PELI2: variants seen among roughly 807,000 people sequenced by gnomAD.
PELI2 encodes E3 ubiquitin-protein ligase pellino homolog 2.
PELI2 carries 23 observed loss-of-function variants against 42.3 expected under a neutral mutation model. The ratio of observed to expected loss-of-function variants is 0.54; its 90% CI spans 0.39 to 0.77. The LOEUF is 0.77. PELI2 is among the 30% of genes least tolerant of loss of function. The pLI is 0.00. For missense variants in PELI2, 463 were observed against 553.2 expected (o/e 0.84, Z 1.64); for synonymous variants, 245 against 212.2 (o/e 1.15, Z -1.34).
At chr14:56,203,294 C>T (rs528382585) in intron 2 of PELI2, among the ~76,000 whole-genome samples, 33 of 152,128 alleles carry the variant, frequency 2.2e-4, no homozygotes, top group African/African-American at 7.5e-4. Context: ...GAGCCAAAAT[C>T]GCACCACCTC....
chr14:56,257,327 A>G (rs572658578), intron 2 of PELI2, among the ~76,000 whole-genome samples: 3 of 152,160 alleles, frequency 2.0e-5, no homozygotes, highest in Non-Finnish European at 2.9e-5. Context: ...ATAAACAACA[A>G]CTAGTTTCTT....
intron 5 of PELI2, among the ~76,000 whole-genome samples, chr14:56,290,850 T>G (rs926447894): frequency 6.6e-6 from 1 of 152,232 alleles, no homozygotes; most frequent in African/African-American, 2.4e-5. Flanking sequence ...TAAGGAATTA[T>G]TTACTAGACT....
At position 56,118,691 on chromosome 14, in the gene PELI2, G is replaced by A; in HGVS notation, c.31G>A (p.Ala11Thr). ...TTCCCCTGGCCAGGAGGAACACTGCGCCCCCAATAAGGAGCCAGTGAAATA... is the reference window on the plus strand; with the variant it reads ...TTCCCCTGGCCAGGAGGAACACTGCACCCCCAATAAGGAGCCAGTGAAATA... MFSPGQEEHC[A>T]PNKEPVKYGE... The change falls in exon 1 of 6, where the codon GCC (alanine) becomes ACC (threonine). Residue 11 changes from alanine (A) to threonine (T), a missense_variant. Around this residue, in one of 3 missense-constraint regions of PELI2, gnomAD observed 343 missense variants for 378.4 expected, o/e 0.91. Transcript: ENST00000267460. 3 of 1,519,468 alleles carry A rather than the reference G, an allele frequency of 2.0e-6. No homozygotes were observed. The highest frequency in any genetic ancestry group is 2.1e-5 in the Admixed American group (1 of 48,598). 94.1% of individuals were successfully genotyped at this position (1,519,468 alleles called of 1,614,324 possible).
intron 2 of PELI2, among the ~76,000 whole-genome samples, chr14:56,187,954 C>T (rs1024496789): frequency 6.6e-6 from 1 of 152,198 alleles, no homozygotes; most frequent in South Asian, 2.1e-4. Flanking sequence ...GGCCTGTGGA[C>T]CTTCGCAGGG....
At chr14:56,223,921 C>T (rs1183213780) in intron 2 of PELI2, among the ~76,000 whole-genome samples, 1 of 152,192 alleles carries the variant, frequency 6.6e-6, no homozygotes, top group Non-Finnish European at 1.5e-5. Flanking sequence ...CCATCCAGCA[C>T]CCATTTTGGC....
chr14:56,288,856 A>G lies in PELI2; in HGVS notation c.507+222A>G, dbSNP rs1889729811. On this transcript the variant is annotated intron_variant, in intron 4 of 5. Coordinates refer to ENST00000267460, the MANE Select transcript of PELI2 (RefSeq NM_021255.3). The surrounding 1 kb of genome is among the most constrained non-coding windows in gnomAD (Gnocchi z 4.6). ...ATATTTTTTATATTGTAATATTTACAGTAAGTACTTTTTTTAAAGTATGCC... is the reference window on the plus strand; with the variant it reads ...ATATTTTTTATATTGTAATATTTACGGTAAGTACTTTTTTTAAAGTATGCC... 6.6e-6 allele frequency among the ~76,000 whole-genome samples: 1 copy of G among 152,236 alleles called. No individual in the cohort carries two copies. Among genetic ancestry groups the G allele is most frequent in the Non-Finnish European group, 1.5e-5 (1 of 68,046 alleles).
chr14:56,259,214 A>C (rs556146823), intron 2 of PELI2, among the ~76,000 whole-genome samples: 1 of 152,260 alleles, frequency 6.6e-6, no homozygotes, highest in African/African-American at 2.4e-5. Flanking sequence ...GCACGACAAA[A>C]AATGTTAAAG....
chr14:56,186,624 G>T (rs1885778660), intron 2 of PELI2, among the ~76,000 whole-genome samples: 1 of 152,160 alleles, frequency 6.6e-6, no homozygotes, highest in Non-Finnish European at 1.5e-5. Flanking sequence ...AGAGATGAAA[G>T]AATTGAGAGG....
rs112320456 is a variant in PELI2 at position 56,133,933 on chromosome 14, C to T, written c.77+15196C>T. Among the ~76,000 whole-genome samples the T allele has an allele frequency of 2.2e-3, 331 of 152,302 alleles. 1 individual carries two copies. The highest frequency in any genetic ancestry group is 3.8e-3 in the Non-Finnish European group (261 of 68,022). Reference sequence around the variant, plus strand: ...ATGAACATTCTTATAAGGATGTCTTCTTCCTTCTTTTTGCTGTACCCTGCT... The same window carrying T: ...ATGAACATTCTTATAAGGATGTCTTTTTCCTTCTTTTTGCTGTACCCTGCT... On this transcript the variant is annotated intron_variant, in intron 1 of 5. Transcript: ENST00000267460.
intron 2 of PELI2, among the ~76,000 whole-genome samples, chr14:56,193,514 C>G (rs113094714): frequency 6.6e-6 from 1 of 152,028 alleles, no homozygotes; most frequent in African/African-American, 2.4e-5. Context: ...TAAAACCTGA[C>G]AATGGGAAAG....
intron 2 of PELI2, among the ~76,000 whole-genome samples, chr14:56,249,539 A>G (rs909024177): frequency 6.6e-6 from 1 of 152,208 alleles, no homozygotes; most frequent in Non-Finnish European, 1.5e-5. Flanking sequence ...TTCTGGGACT[A>G]TTAGGTGCAG....
chr14:56,163,585 G>C (rs1398842334), intron 1 of PELI2, among the ~76,000 whole-genome samples: 2 of 151,826 alleles, frequency 1.3e-5, no homozygotes, highest in African/African-American at 4.8e-5. Flanking sequence ...TACTTTTTAG[G>C]ATTTTTTTTT....
chr14:56,228,995 C>G (rs1170050365), intron 2 of PELI2, among the ~76,000 whole-genome samples: 1 of 152,238 alleles, frequency 6.6e-6, no homozygotes, highest in Non-Finnish European at 1.5e-5. Context: ...GAGCCTTGCT[C>G]ATTGCTAGCA....
At chr14:56,231,375 A>C (rs954894593) in intron 2 of PELI2, among the ~76,000 whole-genome samples, 1 of 152,240 alleles carries the variant, frequency 6.6e-6, no homozygotes, top group Non-Finnish European at 1.5e-5. Flanking sequence ...ACTCCTCAGC[A>C]AATGTAAAAG....
intron 2 of PELI2, among the ~76,000 whole-genome samples, chr14:56,252,232 C>T (rs954450089): frequency 2.6e-5 from 4 of 151,986 alleles, no homozygotes; most frequent in Non-Finnish European, 4.4e-5. Context: ...GGAGTTTAGG[C>T]CTTTAAAATT....
chr14:56,229,118 G>C (rs1252210197), intron 2 of PELI2, among the ~76,000 whole-genome samples: 1 of 152,224 alleles, frequency 6.6e-6, no homozygotes, highest in Non-Finnish European at 1.5e-5. Flanking sequence ...ACTGGGAGGA[G>C]CCCACCGCAG....
In PELI2 at chr14:56,287,129, C is replaced by G. The variant is rs886158020; in HGVS notation, c.310-1308C>G. On this transcript the variant is annotated intron_variant, in intron 3 of 5. Coordinates refer to ENST00000267460, the MANE Select transcript of PELI2 (RefSeq NM_021255.3). ...GAGCTTGAAAAGTCATTGCCCTCTT[C>G]CATGGAGATGGACAAATCTTGTGAC... 6.6e-5 allele frequency among the ~76,000 whole-genome samples: 10 copies of G among 152,168 alleles called. 2 individuals are homozygous for G. The South Asian group carries it at 2.1e-3, about 32-fold the overall frequency.
At chr14:56,286,593 G>A (rs950444354) in intron 3 of PELI2, among the ~76,000 whole-genome samples, 2 of 152,182 alleles carry the variant, frequency 1.3e-5, no homozygotes, top group African/African-American at 4.8e-5. Flanking sequence ...AATATCAGAT[G>A]AAATTCAAAA....
intron 2 of PELI2, among the ~76,000 whole-genome samples, chr14:56,252,116 T>A (rs774937127): frequency 2.6e-4 from 40 of 152,220 alleles, no homozygotes; most frequent in Non-Finnish European, 5.4e-4. Flanking sequence ...GAATGCTCTC[T>A]GTACCAGAAA....
Sources: allele counts gnomAD v4.1 joint callset (sites outside exome capture counted in the v4.1 genomes callset), GRCh38; gene constraint gnomAD v4.1.1; regional missense constraint gnomAD v4.1.1; non-coding constraint Gnocchi (gnomAD v3.1); transcripts MANE v1.5; gene names NCBI Gene and HGNC (gene_info 2026-07-23, HGNC 2026-07-21).